MDGA2: variants seen among roughly 807,000 people sequenced by gnomAD.
MDGA2 encodes the protein MAM domain-containing glycosylphosphatidylinositol anchor protein 2.
Under a neutral mutation model 117.8 loss-of-function variants are expected in MDGA2, and 40 were observed. That is an observed-to-expected ratio of 0.34 (90% confidence interval 0.26 to 0.44). The LOEUF (loss-of-function observed/expected upper bound fraction) is 0.44. Among genes scored for constraint, MDGA2 ranks in the 20% least tolerant of loss-of-function variants. MDGA2 has a pLI of 1.00. For missense variants in MDGA2, 1,123 were observed against 1,250.6 expected (o/e 0.90, Z 1.54); for synonymous variants, 452 against 439.0 (o/e 1.03, Z -0.37).
chr14:47,404,118 T>G lies in MDGA2; in HGVS notation c.281-102568A>C, dbSNP rs923896188. Among the ~76,000 whole-genome samples the G allele has an allele frequency of 2.6e-5, 4 of 152,306 alleles. 1 individual carries two copies. The highest frequency in any genetic ancestry group is 9.6e-5 in the African/African-American group (4 of 41,562). On this transcript the variant is annotated intron_variant, in intron 1 of 16. Coordinates refer to ENST00000399232, the MANE Select transcript of MDGA2 (RefSeq NM_001113498.3). ...ATGTTTTTCTCCTGTTAAATCTTTA[T>G]TTTGTTATAGAGAGTCATCAGCCAT... is the stretch of plus-strand genomic sequence containing the variant.
chr14:47,524,454 G>C (rs17118858), intron 1 of MDGA2, among the ~76,000 whole-genome samples: 5,757 of 152,212 alleles, frequency 0.038, 361 homozygotes, highest in African/African-American at 0.13. Flanking sequence ...TAAGAACATT[G>C]AGGCTCCAAG....
intron 8 of MDGA2, among the ~76,000 whole-genome samples, chr14:46,984,266 C>A (rs1886787171): frequency 1.3e-5 from 2 of 152,012 alleles, no homozygotes; most frequent in South Asian, 4.1e-4. Context: ...TTCACTTCCT[C>A]TTCCTTAATA....
At chr14:46,971,541 A>C (rs2138333879) in intron 8 of MDGA2, among the ~76,000 whole-genome samples, 1 of 152,238 alleles carries the variant, frequency 6.6e-6, no homozygotes, top group African/African-American at 2.4e-5. Context: ...GATAGATATC[A>C]GAGGCTTGGA....
intron 1 of MDGA2, among the ~76,000 whole-genome samples, chr14:47,618,969 C>G (rs1336443569): frequency 6.6e-6 from 1 of 151,786 alleles, no homozygotes; most frequent in Non-Finnish European, 1.5e-5. Context: ...TCCAGGGACT[C>G]TAGCTTCCGC....
At chr14:47,000,344 TATATAC>T (rs1432567798) in intron 8 of MDGA2, among the ~76,000 whole-genome samples, 9 of 136,782 alleles carry the variant, frequency 6.6e-5, no homozygotes, top group African/African-American at 2.4e-4. Flanking sequence ...TATATATATA[TATATAC>T]ACACACATAT....
At chr14:47,330,864 C>T (rs762181408) in intron 1 of MDGA2, among the ~76,000 whole-genome samples, 19 of 151,786 alleles carry the variant, frequency 1.3e-4, no homozygotes, top group Non-Finnish European at 2.2e-4. Context: ...TTTTTCAGAT[C>T]CTTTGTCTAT....
At chr14:46,906,972 CTTTTTTTTT>C (rs372756942) in intron 10 of MDGA2, among the ~76,000 whole-genome samples, 1 of 99,548 alleles carries the variant, frequency 1.0e-5, no homozygotes, top group African/African-American at 3.8e-5. Context: ...TTACCTTTTT[CTTTTTTTTT>C]TTTTTTTTTT....
At chr14:47,556,578 C>T (rs1221676745) in intron 1 of MDGA2, among the ~76,000 whole-genome samples, 1 of 152,170 alleles carries the variant, frequency 6.6e-6, no homozygotes, top group African/African-American at 2.4e-5. Context: ...AAGTTTGGAT[C>T]CCTAATACAC....
At chr14:47,375,852 G>C (rs577636544) in intron 1 of MDGA2, among the ~76,000 whole-genome samples, 10 of 152,136 alleles carry the variant, frequency 6.6e-5, no homozygotes, top group Non-Finnish European at 1.0e-4. Context: ...CATAAGTAAA[G>C]TTATATTTTA....
chr14:46,856,371 C>T (rs1881269361), intron 14 of MDGA2, among the ~76,000 whole-genome samples: 2 of 152,028 alleles, frequency 1.3e-5, no homozygotes, highest in South Asian at 4.1e-4. Context: ...AAGATAAAAT[C>T]AATGCATCTT....
intron 1 of MDGA2, among the ~76,000 whole-genome samples, chr14:47,372,263 A>G (rs1263165632): frequency 2.6e-5 from 4 of 151,840 alleles, no homozygotes; most frequent in African/African-American, 9.7e-5. Context: ...TACATTATAA[A>G]CAATAATGGC....
At chr14:47,072,097 T>G (rs1890303619) in intron 6 of MDGA2, among the ~76,000 whole-genome samples, 3 of 48,384 alleles carry the variant, frequency 6.2e-5, no homozygotes, top group Admixed American at 2.9e-4. Flanking sequence ...TGGTTGTTGT[T>G]GTTTGGGGGG....
chr14:47,111,698 G>C (rs530739061), intron 5 of MDGA2, among the ~76,000 whole-genome samples: 2 of 152,246 alleles, frequency 1.3e-5, no homozygotes, highest in Non-Finnish European at 2.9e-5. Context: ...ATTTAAAATG[G>C]AAAGACTTCT....
At chr14:47,270,134 C>T (rs925043069) in intron 2 of MDGA2, among the ~76,000 whole-genome samples, 1 of 152,192 alleles carries the variant, frequency 6.6e-6, no homozygotes, top group African/African-American at 2.4e-5. Context: ...TTTGAAGGAG[C>T]ACCCTAACTT....
chr14:47,561,460 A>G (rs752708557), intron 1 of MDGA2, among the ~76,000 whole-genome samples: 1 of 151,876 alleles, frequency 6.6e-6, no homozygotes, highest in Non-Finnish European at 1.5e-5. Flanking sequence ...GGTTAACTGT[A>G]TTCTTAGTTA....
chr14:46,987,926 G>GT (rs1190145571), intron 8 of MDGA2, among the ~76,000 whole-genome samples: 1 of 140,534 alleles, frequency 7.1e-6, no homozygotes, highest in African/African-American at 2.6e-5. Context: ...ATATTCTGGG[G>GT]TGGGGGGGGG....
chr14:47,613,946 G>A (rs1896900437), intron 1 of MDGA2, among the ~76,000 whole-genome samples: 1 of 152,100 alleles, frequency 6.6e-6, no homozygotes. Context: ...TATTGGAGGG[G>A]TTGACAACAG....
At chr14:47,498,138 A>C (rs1451736700) in intron 1 of MDGA2, among the ~76,000 whole-genome samples, 1 of 152,212 alleles carries the variant, frequency 6.6e-6, no homozygotes, top group Non-Finnish European at 1.5e-5. Context: ...GGCAGAAAGC[A>C]AACAGCAGAA....
chr14:47,061,198 C>T (rs770792341), intron 7 of MDGA2, 51 bp downstream of exon 7: 1 of 1,501,794 alleles, frequency 6.7e-7, no homozygotes, highest in South Asian at 1.3e-5. Flanking sequence ...TGTTAAACTT[C>T]AATCATTCTA....
Sources: gnomAD v4.1 joint callset for allele counts (sites outside exome capture counted in the v4.1 genomes callset) on GRCh38, gnomAD v4.1.1 for gene constraint, MANE v1.5 for transcripts, NCBI Gene and HGNC (gene_info 2026-07-23, HGNC 2026-07-21) for gene names.